RAP1A: variants seen among roughly 807,000 people sequenced by gnomAD.
RAP1A encodes the protein ras-related protein Rap-1A.
RAP1A carries 6 observed loss-of-function variants against 26.4 expected under a neutral mutation model. That is an observed-to-expected ratio of 0.23 (90% confidence interval 0.12 to 0.45). The LOEUF (loss-of-function observed/expected upper bound fraction) is 0.45. RAP1A is among the 20% of genes least tolerant of loss of function. The pLI is 0.99. For missense variants in RAP1A, 121 were observed against 217.2 expected (o/e 0.56, Z 2.78); for synonymous variants, 73 against 79.4 (o/e 0.92, Z 0.43).
chr1:111,563,559 C>T (rs1657831478), intron 1 of RAP1A, among the ~76,000 whole-genome samples: 1 of 152,038 alleles, frequency 6.6e-6, no homozygotes, highest in Non-Finnish European at 1.5e-5. Context: ...ATTCAGTGAT[C>T]GAAGGTGTAG....
At position 111,715,445 on chromosome 1, in the gene RAP1A, CAA is replaced by C; in HGVS notation, c.*3048_*3049del. The C allele has an allele frequency of 6.6e-6, 1 of 152,228 alleles. No homozygotes were observed. Among genetic ancestry groups the C allele is most frequent in the East Asian group, 1.9e-4 (1 of 5,182 alleles). The allele number at this position is 152,228 out of a possible 1,614,324, so 9.4% of individuals were successfully genotyped here. A position where few individuals can be genotyped will look rare whatever the true frequency, so the allele number is the denominator to read the frequency against. ...TAGTACATAAACACTGTGTGGTTCA[CAA>C]AAAGGCATAGAGACATTCTCTCAAG... On this transcript the variant is annotated 3_prime_UTR_variant, in exon 8 of 8. Transcript: ENST00000369709.
chr1:111,667,870 A>G (rs1301424752), intron 1 of RAP1A, among the ~76,000 whole-genome samples: 2 of 152,134 alleles, frequency 1.3e-5, no homozygotes, highest in African/African-American at 4.8e-5. Context: ...CTCAGAGCCT[A>G]TTTTTGTCTT....
intron 4 of RAP1A, among the ~76,000 whole-genome samples, chr1:111,701,515 T>C (rs1225490318): frequency 6.6e-6 from 1 of 152,196 alleles, no homozygotes; most frequent in East Asian, 1.9e-4. Context: ...TGTATACTCC[T>C]CCAGGGCAGA....
At chr1:111,685,208 G>A (rs1030527161) in intron 1 of RAP1A, among the ~76,000 whole-genome samples, 4 of 152,090 alleles carry the variant, frequency 2.6e-5, no homozygotes, top group Non-Finnish European at 2.9e-5. Context: ...CAGGACATAG[G>A]CATGGGCAAA....
At chr1:111,706,734 T>C in intron 6 of RAP1A, 1 of 985,412 alleles carries the variant, frequency 1.0e-6, no homozygotes, top group Non-Finnish European at 1.2e-6. Context: ...CCAAATATTA[T>C]AGTTCGAACT....
At chr1:111,627,642 T>G (rs553732205) in intron 1 of RAP1A, 1 of 152,226 alleles carries the variant, frequency 6.6e-6, no homozygotes, top group South Asian at 2.1e-4. Flanking sequence ...CCTCATATTA[T>G]TAATAATCTG....
chr1:111,642,752 G>A (rs1320753247), intron 1 of RAP1A, among the ~76,000 whole-genome samples: 10 of 150,354 alleles, frequency 6.7e-5, no homozygotes, highest in Non-Finnish European at 4.4e-5. Flanking sequence ...CTCCCAAGGA[G>A]CTGGGATTAC....
At chr1:111,629,686 A>G (rs1237095913) in intron 1 of RAP1A, among the ~76,000 whole-genome samples, 1 of 152,144 alleles carries the variant, frequency 6.6e-6, no homozygotes, top group Non-Finnish European at 1.5e-5. Flanking sequence ...TAATAAGCAA[A>G]TGTAACTCAC....
intron 1 of RAP1A, among the ~76,000 whole-genome samples, chr1:111,674,267 A>G (rs1661059234): frequency 1.3e-5 from 2 of 148,172 alleles, no homozygotes; most frequent in Admixed American, 1.4e-4. Flanking sequence ...AGCTGTCAGT[A>G]TTTTTCTTTT....
intron 1 of RAP1A, among the ~76,000 whole-genome samples, chr1:111,688,299 G>GTGTGTGTATGTGTA (rs149961847): frequency 2.6e-3 from 367 of 140,692 alleles, no homozygotes; most frequent in Admixed American, 6.1e-3. Context: ...GTGTGTGTGT[G>GTGTGTGTATGTGTA]TATATATATT....
intron 4 of RAP1A, among the ~76,000 whole-genome samples, chr1:111,701,009 C>G (rs908243181): frequency 3.9e-5 from 6 of 152,194 alleles, no homozygotes; most frequent in African/African-American, 1.4e-4. Flanking sequence ...TCTTCACCCC[C>G]TTCAGATTGT....
At chr1:111,557,750 A>G (rs1447827960) in intron 1 of RAP1A, among the ~76,000 whole-genome samples, 1 of 152,186 alleles carries the variant, frequency 6.6e-6, no homozygotes, top group Non-Finnish European at 1.5e-5. Context: ...AGAAATCTAA[A>G]AACAATTGAT....
chr1:111,544,468 G>T (rs577313231), intron 1 of RAP1A, among the ~76,000 whole-genome samples: 5 of 152,174 alleles, frequency 3.3e-5, no homozygotes, highest in Non-Finnish European at 7.4e-5. Context: ...GCAGTCTTTT[G>T]TGTCTAACTT....
At position 111,581,064 on chromosome 1, in the gene RAP1A, A is replaced by C. The variant is rs555537914; in HGVS notation, c.-28+38555A>C. Among the ~76,000 whole-genome samples, 3 of 150,720 alleles carry C rather than the reference A, an allele frequency of 2.0e-5. 1 individual carries two copies. Among genetic ancestry groups the C allele is most frequent in the Admixed American group, 1.3e-4 (2 of 14,994 alleles). ...TGCAAAGAGGACACAGGGTTTTGCT[A>C]TTTCTCAGTGGGAGCTTTGCCTGGG... is the stretch of plus-strand genomic sequence containing the variant. On this transcript the variant is annotated intron_variant, in intron 1 of 7. Transcript: ENST00000356415.
chr1:111,562,414 T>C (rs1480645988), intron 1 of RAP1A, among the ~76,000 whole-genome samples: 1 of 152,174 alleles, frequency 6.6e-6, no homozygotes, highest in African/African-American at 2.4e-5. Flanking sequence ...GTGGTTAAAT[T>C]AAACAAATAA....
At chr1:111,680,004 G>A (rs1458314010) in intron 1 of RAP1A, among the ~76,000 whole-genome samples, 1 of 152,208 alleles carries the variant, frequency 6.6e-6, no homozygotes, top group Non-Finnish European at 1.5e-5. Flanking sequence ...GCTTTGAAGA[G>A]AGCAGCAGAT....
chr1:111,693,982 A>G (rs1358829464), intron 2 of RAP1A, among the ~76,000 whole-genome samples: 1 of 150,848 alleles, frequency 6.6e-6, no homozygotes, highest in Non-Finnish European at 1.5e-5. Flanking sequence ...TCAACCTCCT[A>G]CACTTAAGCA....
rs59713486 is a variant in RAP1A at position 111,613,932 on chromosome 1, C to T, written c.-28+71423C>T. Among the ~76,000 whole-genome samples the T allele has an allele frequency of 8.5e-3, 1,293 of 152,312 alleles. 13 individuals carry two copies. Among genetic ancestry groups the T allele is most frequent in the African/African-American group, 0.03 (1,229 of 41,564 alleles). On this transcript the variant is annotated intron_variant, in intron 1 of 7. Coordinates refer to the RAP1A transcript ENST00000356415. ...AGTATATGGCTCGCTTATATTCTCT[C>T]TCTCTACGAAACACACAGACACATG...
chr1:111,666,590 A>G (rs1660801771), intron 1 of RAP1A, among the ~76,000 whole-genome samples: 1 of 152,192 alleles, frequency 6.6e-6, no homozygotes. Context: ...TATGTGGCAA[A>G]TAATTTGAAT....
Sources: allele counts gnomAD v4.1 joint callset (sites outside exome capture counted in the v4.1 genomes callset), GRCh38; gene constraint gnomAD v4.1.1; transcripts MANE v1.5; gene names NCBI Gene and HGNC (gene_info 2026-07-23, HGNC 2026-07-21).